Variants in ATAD2B observed in about 807,000 individuals in gnomAD.
ATAD2B encodes ATPase family AAA domain containing 2B, also known as ATPase family AAA domain-containing protein 2B.
Under a neutral mutation model 167.6 loss-of-function variants are expected in ATAD2B, and 40 were observed. The ratio of observed to expected loss-of-function variants is 0.24; its 90% CI spans 0.19 to 0.31. The LOEUF is 0.31. ATAD2B is among the 10% of genes least tolerant of loss of function. The pLI is 1.00. For synonymous variants in ATAD2B, 579 were observed against 596.5 expected, an observed-to-expected ratio of 0.97 and a Z score of 0.43; for missense variants, 1,242 against 1,757.2, an observed-to-expected ratio of 0.71 and a Z score of 5.24.
chr2:23,837,643 C>A (rs571592816), intron 13 of ATAD2B, among the ~76,000 whole-genome samples: 114 of 152,348 alleles, frequency 7.5e-4, no homozygotes, highest in African/African-American at 2.7e-3. Context: ...GATGGCCTGC[C>A]GCTGCCATCA....
At chr2:23,704,583 A>G in the ATAD2B span, among the ~76,000 whole-genome samples, 25 of 152,310 alleles carry the variant, frequency 1.6e-4, no homozygotes, top group Admixed American at 5.9e-4. Flanking sequence ...CTTGGCCAAC[A>G]TGGTAAAACC....
intron 22 of ATAD2B, among the ~76,000 whole-genome samples, chr2:23,779,371 T>C (rs886627908): frequency 4.6e-5 from 7 of 151,802 alleles, no homozygotes; most frequent in Non-Finnish European, 1.0e-4. Flanking sequence ...GAGACAGGGT[T>C]TCACTGTGTT....
At chr2:23,823,080 T>TA (rs1271814042) in intron 16 of ATAD2B, among the ~76,000 whole-genome samples, 178 bp downstream of exon 16, 1 of 152,176 alleles carries the variant, frequency 6.6e-6, no homozygotes, top group East Asian at 1.9e-4. Context: ...TCATTTGTCT[T>TA]AAAAACATTC....
rs1315693405 is a variant in ATAD2B, at chr2:23,872,635, C to T, written c.978-2874G>A. 8.2e-6 allele frequency: 11 copies of T among 1,347,846 alleles called. No homozygotes were observed. In the East Asian group the frequency reaches 1.4e-4, roughly 17 times the overall value. 83.5% of individuals were successfully genotyped at this position (1,347,846 alleles called of 1,614,324 possible). On this transcript the variant is annotated intron_variant, in intron 8 of 27. Coordinates refer to ENST00000238789, the MANE Select transcript of ATAD2B (RefSeq NM_017552.4). ...TGTAGAAAGGATGGTCAGGCTCCAT[C>T]GGAGGTGGTGGAACATCATAGGAGA...
At chr2:23,784,775 G>GT (rs1558528017) in intron 21 of ATAD2B, among the ~76,000 whole-genome samples, 1 of 145,962 alleles carries the variant, frequency 6.9e-6, no homozygotes, top group African/African-American at 2.5e-5. Flanking sequence ...AAACACTATG[G>GT]GGGGGGGGAT....
intron 22 of ATAD2B, among the ~76,000 whole-genome samples, chr2:23,772,669 T>C (rs746082244): frequency 6.6e-5 from 10 of 151,708 alleles, no homozygotes; most frequent in Non-Finnish European, 1.3e-4. Flanking sequence ...TTCCCACTAG[T>C]ATGGAAGACA....
intron 24 of ATAD2B, among the ~76,000 whole-genome samples, chr2:23,760,987 T>C (rs1419970767): frequency 2.0e-5 from 3 of 152,190 alleles, no homozygotes; most frequent in Non-Finnish European, 4.4e-5. Context: ...ACAAAACTCA[T>C]ATTTGTAGAT....
At chr2:23,878,010 CAAAGAAAAAA>C (rs1178731017) in intron 7 of ATAD2B, among the ~76,000 whole-genome samples, 547 of 28,616 alleles carry the variant, frequency 0.019, 19 homozygotes, top group African/African-American at 0.059. Context: ...ACCCTATCTC[CAAAGAAAAAA>C]AAAAAAAAAA....
intron 13 of ATAD2B, among the ~76,000 whole-genome samples, chr2:23,843,870 T>C (rs1691325159): frequency 6.6e-6 from 1 of 152,200 alleles, no homozygotes; most frequent in South Asian, 2.1e-4. Context: ...AAAAGGATAC[T>C]GCATCAGTAG....
chr2:23,759,280 G>A (rs571675128), intron 24 of ATAD2B, among the ~76,000 whole-genome samples: 87 of 152,134 alleles, frequency 5.7e-4, no homozygotes, highest in African/African-American at 2.1e-3. Context: ...ATACATCAAA[G>A]CTGAAAAGCT....
At chr2:23,755,886 T>G in intron 25 of ATAD2B, among the ~76,000 whole-genome samples, 1 of 152,150 alleles carries the variant, frequency 6.6e-6, no homozygotes, top group East Asian at 1.9e-4. Context: ...TAAAATCATA[T>G]TGATCCTCAT....
rs75702787 is a variant in ATAD2B at position 23,802,504 on chromosome 2, A to G, written c.2455-4181T>C. Reference sequence around the variant, plus strand: ...GTACTAGTTTCTGAACTATGGTAGTAACACAAATTAGCATTTTATGAAAAT... The same window carrying G: ...GTACTAGTTTCTGAACTATGGTAGTGACACAAATTAGCATTTTATGAAAAT... On this transcript the variant is annotated intron_variant, in intron 18 of 27. Transcript: ENST00000238789. Among the ~76,000 whole-genome samples, 33 of 152,248 alleles carry G rather than the reference A, an allele frequency of 2.2e-4. 1 individual carries two copies. In the East Asian group the frequency reaches 6.4e-3, roughly 29 times the overall value.
the ATAD2B span, chr2:23,693,238 T>G: frequency 6.6e-7 from 1 of 1,523,976 alleles, no homozygotes; most frequent in African/African-American, 1.4e-5. Flanking sequence ...CCCGGGCCTT[T>G]GGGTCAGTGG....
At chr2:23,723,840 T>C in the ATAD2B span, among the ~76,000 whole-genome samples, 1 of 152,150 alleles carries the variant, frequency 6.6e-6, no homozygotes, top group East Asian at 1.9e-4. Flanking sequence ...CTATTCACAA[T>C]AACCAAGATA....
chr2:23,719,585 A>C, the ATAD2B span, among the ~76,000 whole-genome samples: 11 of 152,130 alleles, frequency 7.2e-5, no homozygotes, highest in Admixed American at 5.9e-4. Context: ...ACCTCCAAGC[A>C]GATGGTAAGA....
At chr2:23,910,723 C>T (rs2150534119) in intron 1 of ATAD2B, among the ~76,000 whole-genome samples, 1 of 151,292 alleles carries the variant, frequency 6.6e-6, no homozygotes, top group East Asian at 2.0e-4. Flanking sequence ...CAAAAATTAG[C>T]TGGGCGTGGG....
rs764768956 is a variant in ATAD2B at position 23,762,210 on chromosome 2, T to G, written c.3393A>C (p.Ala1131=). 1.2e-6 allele frequency: 2 copies of G among 1,613,496 alleles called. No homozygotes were observed. The highest frequency in any genetic ancestry group is 1.7e-5 in the Admixed American group (1 of 59,982). Reference sequence around the variant, plus strand: ...GATAACATGAGCTGAAATACTCACATGCACATTTATTTGCAGAGTTGTGCC... The same window carrying G: ...GATAACATGAGCTGAAATACTCACAGGCACATTTATTTGCAGAGTTGTGCC... ...DVWHNSANKC[A]FRVRRKSRRR... Residue 1131 remains alanine (A), a splice_region_variant and synonymous_variant, in exon 24 of 28, where the codon GCA becomes GCC. Coordinates refer to ENST00000238789, the MANE Select transcript of ATAD2B (RefSeq NM_017552.4).
Position 23,863,527 on chromosome 2 carries a change from T to C in ATAD2B, c.1333A>G (p.Thr445Ala), listed in dbSNP as rs1201462269. The C allele has an allele frequency of 1.3e-6, 2 of 1,572,572 alleles. No homozygotes were observed. The highest frequency in any genetic ancestry group is 1.9e-5 in the Admixed American group (1 of 54,014). Reference sequence around the variant, plus strand: ...GCTCTGGCAACCAAGGTTTTACCTGTGCCAGGAGGGCCATAAAACAAACAG... The same window carrying C: ...GCTCTGGCAACCAAGGTTTTACCTGCGCCAGGAGGGCCATAAAACAAACAG... ...RGCLFYGPPG[T>A]GKTLVARALA... The change falls in exon 12 of 28, where the codon ACA (threonine) becomes GCA (alanine). Residue 445 changes from threonine (T) to alanine (A), a missense_variant. Thr to Ala is a moderately conservative substitution (Grantham distance 58). Coordinates refer to ENST00000238789, the MANE Select transcript of ATAD2B (RefSeq NM_017552.4).
At chr2:23,693,678 A>G in the ATAD2B span, 2 of 867,742 alleles carry the variant, frequency 2.3e-6, no homozygotes, top group East Asian at 5.4e-5. Flanking sequence ...AGAGGTGAGA[A>G]ACCAGTCACC....
Sources: gnomAD v4.1 joint callset for allele counts (sites outside exome capture counted in the v4.1 genomes callset) on GRCh38, gnomAD v4.1.1 for gene constraint, MANE v1.5 for transcripts, NCBI Gene and HGNC (gene_info 2026-07-23, HGNC 2026-07-21) for gene names.